CAMK4: variants seen among roughly 807,000 people sequenced by gnomAD.
CAMK4 encodes the protein calcium/calmodulin dependent protein kinase IV.
Under a neutral mutation model 44.9 loss-of-function variants are expected in CAMK4, and 22 were observed. The ratio of observed to expected loss-of-function variants is 0.49; its 90% CI spans 0.35 to 0.70. CAMK4 has a LOEUF of 0.70. Among genes scored for constraint, CAMK4 ranks in the 30% least tolerant of loss-of-function variants. The pLI is 0.01. For missense variants in CAMK4, 498 were observed against 586.8 expected (o/e 0.85, Z 1.56); for synonymous variants, 218 against 215.4 (o/e 1.01, Z -0.11).
At chr5:111,343,810 G>A (rs921379266) in intron 1 of CAMK4, among the ~76,000 whole-genome samples, 2 of 151,696 alleles carry the variant, frequency 1.3e-5, no homozygotes, top group Non-Finnish European at 2.9e-5. Context: ...AAGGAAAAGA[G>A]CAAGCTGGAA....
At chr5:111,265,023 A>G (rs1416567241) in intron 1 of CAMK4, among the ~76,000 whole-genome samples, 2 of 152,016 alleles carry the variant, frequency 1.3e-5, no homozygotes, top group African/African-American at 2.4e-5. Context: ...GACACCCTCT[A>G]TCACCACCTT....
At chr5:111,370,135 C>A (rs1166322009) in intron 2 of CAMK4, among the ~76,000 whole-genome samples, 1 of 152,010 alleles carries the variant, frequency 6.6e-6, no homozygotes, top group African/African-American at 2.4e-5. Flanking sequence ...AAATAATTAC[C>A]TTTTTAAGAA....
chr5:111,436,886 A>G (rs1934098156), intron 5 of CAMK4, among the ~76,000 whole-genome samples: 2 of 152,254 alleles, frequency 1.3e-5, no homozygotes, highest in South Asian at 4.1e-4. Flanking sequence ...GCTGTATTGA[A>G]TATTCAGATC....
intron 9 of CAMK4, among the ~76,000 whole-genome samples, chr5:111,481,360 C>T (rs1004319794): frequency 6.6e-6 from 1 of 152,148 alleles, no homozygotes; most frequent in Non-Finnish European, 1.5e-5. Context: ...TTTTTATTTA[C>T]TACCATGCCT....
rs138242817 is a variant in CAMK4, at chr5:111,247,685, T to A, written c.161+23041T>A. On this transcript the variant is annotated intron_variant, in intron 1 of 10. Coordinates refer to ENST00000282356, the MANE Select transcript of CAMK4 (RefSeq NM_001744.6). ...TTCAGGTAAACCTCAGTTTTGCTCCTAAGGACTTTCAACTGGTTGGATGAG... is the reference window on the plus strand; with the variant it reads ...TTCAGGTAAACCTCAGTTTTGCTCCAAAGGACTTTCAACTGGTTGGATGAG... 8.1e-4 allele frequency among the ~76,000 whole-genome samples: 124 copies of A among 152,230 alleles called. No homozygotes were observed. In the Middle Eastern group the frequency reaches 0.017, roughly 21 times the overall value.
intron 2 of CAMK4, among the ~76,000 whole-genome samples, chr5:111,364,686 G>A (rs974688680): frequency 1.3e-5 from 2 of 151,932 alleles, no homozygotes; most frequent in African/African-American, 2.4e-5. Context: ...TTCAATCCTG[G>A]GCTTCCTCCT....
At position 111,450,062 on chromosome 5, in the gene CAMK4, T is replaced by C. The variant is rs181013563; in HGVS notation, c.625+859T>C. ...GGCCAGGTGTGGTGGCTCATGCCTA[T>C]AATCCCAGCACTTTGGGAGGCCAAG... is the stretch of plus-strand genomic sequence containing the variant. On this transcript the variant is annotated intron_variant, in intron 7 of 10. Coordinates refer to ENST00000282356, the MANE Select transcript of CAMK4 (RefSeq NM_001744.6). 2.4e-4 allele frequency among the ~76,000 whole-genome samples: 36 copies of C among 152,282 alleles called. 1 individual carries two copies. The highest frequency in any genetic ancestry group is 2.1e-3 in the Admixed American group (32 of 15,304).
chr5:111,250,712 C>T (rs1437945701), intron 1 of CAMK4, among the ~76,000 whole-genome samples: 1 of 152,206 alleles, frequency 6.6e-6, no homozygotes, highest in African/African-American at 2.4e-5. Context: ...TTTCCATTCT[C>T]CATCACCACT....
At chr5:111,281,920 A>T (rs1044255744) in intron 1 of CAMK4, among the ~76,000 whole-genome samples, 2 of 151,578 alleles carry the variant, frequency 1.3e-5, no homozygotes, top group Non-Finnish European at 2.9e-5. Context: ...TAGCCGGGCG[A>T]GGTGGCGGGC....
chr5:111,272,475 A>G (rs752625326), intron 1 of CAMK4, among the ~76,000 whole-genome samples: 1 of 152,142 alleles, frequency 6.6e-6, no homozygotes, highest in Non-Finnish European at 1.5e-5. Context: ...GAGCTGAGCA[A>G]TATATTTTGG....
chr5:111,436,128 C>T (rs1214650498), intron 5 of CAMK4, among the ~76,000 whole-genome samples: 3 of 152,100 alleles, frequency 2.0e-5, no homozygotes, highest in Admixed American at 1.3e-4. Context: ...ATAAGTGTTT[C>T]ATTAAAATCT....
intron 1 of CAMK4, among the ~76,000 whole-genome samples, chr5:111,234,462 G>A (rs1206431167): frequency 6.6e-6 from 1 of 152,166 alleles, no homozygotes; most frequent in Non-Finnish European, 1.5e-5. Flanking sequence ...CAAAGTTTCA[G>A]TGGTCATGGA....
intron 5 of CAMK4, among the ~76,000 whole-genome samples, chr5:111,439,064 CTTTTA>C (rs965659691): frequency 6.6e-6 from 1 of 152,146 alleles, no homozygotes; most frequent in Non-Finnish European, 1.5e-5. Context: ...CAATGTCTCC[CTTTTA>C]TTTTACTCCA....
At chr5:111,439,116 G>T (rs781575605) in intron 5 of CAMK4, among the ~76,000 whole-genome samples, 1 of 151,882 alleles carries the variant, frequency 6.6e-6, no homozygotes, top group African/African-American at 2.4e-5. Context: ...TATCTTCCTC[G>T]CCCCTCGAGA....
chr5:111,267,899 G>T (rs1403794333), intron 1 of CAMK4, among the ~76,000 whole-genome samples: 1 of 152,174 alleles, frequency 6.6e-6, no homozygotes, highest in Non-Finnish European at 1.5e-5. Context: ...GATTTGGAAA[G>T]TTACAGAACT....
rs368568795 is a variant in CAMK4 at position 111,231,773 on chromosome 5, G to A, written c.161+7129G>A. Among the ~76,000 whole-genome samples, 12 of 152,190 alleles carry A rather than the reference G, an allele frequency of 7.9e-5. No homozygotes were observed. In the South Asian group the frequency reaches 2.3e-3, roughly 29 times the overall value. ...CAATTTTCACTAAATTGAAAACTGTGAATAAAAGCAAATTGTATATGCCAT... is the reference window on the plus strand; with the variant it reads ...CAATTTTCACTAAATTGAAAACTGTAAATAAAAGCAAATTGTATATGCCAT... On this transcript the variant is annotated intron_variant, in intron 1 of 10. Transcript: ENST00000282356.
At position 111,449,119 on chromosome 5, in the gene CAMK4, G is replaced by C. The variant is rs1226292045; in HGVS notation, c.551-10G>C. ...ACGTGCTTCATTAAATTTTTTTCTT[G>C]TGTTATTAGCTGATTTTGGACTCTC... On this transcript the variant is annotated splice_polypyrimidine_tract_variant and intron_variant, in intron 6 of 10. Coordinates refer to ENST00000282356, the MANE Select transcript of CAMK4 (RefSeq NM_001744.6). 1 of 1,340,156 alleles carries C rather than the reference G, an allele frequency of 7.5e-7. No individual in the cohort carries two copies. The highest frequency in any genetic ancestry group is 1.1e-6 in the Non-Finnish European group (1 of 947,128). 83.0% of individuals were successfully genotyped at this position (1,340,156 alleles called of 1,614,324 possible).
chr5:111,424,747 A>G (rs1035654619), intron 5 of CAMK4, among the ~76,000 whole-genome samples: 2 of 150,378 alleles, frequency 1.3e-5, no homozygotes, highest in East Asian at 2.0e-4. Context: ...GCGTCCAGCC[A>G]CATCTTCTAT....
chr5:111,376,816 G>A (rs754918396), intron 3 of CAMK4, 44 bp from the exon 4 acceptor site: 55 of 1,181,626 alleles, frequency 4.7e-5, no homozygotes, highest in Non-Finnish European at 5.8e-5. Context: ...AAGAAAGATG[G>A]AATAAGAAAT....
Sources: allele counts gnomAD v4.1 joint callset (sites outside exome capture counted in the v4.1 genomes callset), GRCh38; gene constraint gnomAD v4.1.1; transcripts MANE v1.5; gene names NCBI Gene and HGNC (gene_info 2026-07-23, HGNC 2026-07-21).